The following SLC6A5 variants were observed in gnomAD, a reference collection of about 807,000 sequenced individuals.
SLC6A5 encodes the protein sodium- and chloride-dependent glycine transporter 2.
Under a neutral mutation model 90.5 loss-of-function variants are expected in SLC6A5, and 58 were observed. That is an observed-to-expected ratio of 0.64 (90% CI 0.52 to 0.80). SLC6A5 has a LOEUF of 0.80. Ranked by LOEUF, SLC6A5 falls within the 30% of genes least tolerant of loss-of-function variation. SLC6A5 has a pLI of 0.00. For synonymous variants in SLC6A5, 427 were observed against 401.4 expected (o/e 1.06, Z -0.76); for missense variants, 1,015 against 1,017.6 (o/e 1.00, Z 0.03).
chr11:20,632,943 A>C (rs1288802729), intron 10 of SLC6A5, among the ~76,000 whole-genome samples: 1 of 152,156 alleles, frequency 6.6e-6, no homozygotes. Flanking sequence ...TACCAAAATG[A>C]TCATCTTAAA....
intron 13 of SLC6A5, among the ~76,000 whole-genome samples, chr11:20,646,153 C>A (rs552422992): frequency 4.6e-5 from 7 of 152,172 alleles, no homozygotes; most frequent in African/African-American, 7.2e-5. Flanking sequence ...TAAAAACCTT[C>A]CTAAACCAAG....
Position 20,659,121 on chromosome 11 carries a change from T to C in SLC6A5, c.*4253T>C, listed in dbSNP as rs998130938. On this transcript the variant is annotated 3_prime_UTR_variant, in exon 16 of 16. Coordinates refer to ENST00000525748, the MANE Select transcript of SLC6A5 (RefSeq NM_004211.5). ...TATTATATACTGCACATTATTCATTTAAGAAGTCATTCTTGAGGCCCTACC... is the reference window on the plus strand; with the variant it reads ...TATTATATACTGCACATTATTCATTCAAGAAGTCATTCTTGAGGCCCTACC... The C allele has an allele frequency of 2.0e-5, 3 of 150,208 alleles. No individual in the cohort carries two copies. Among genetic ancestry groups the C allele is most frequent in the African/African-American group, 2.4e-5 (1 of 41,136 alleles). The allele number at this position is 150,208 out of a possible 1,614,324, so 9.3% of individuals were successfully genotyped here.
At chr11:20,639,819 A>G (rs757468023) in intron 13 of SLC6A5, among the ~76,000 whole-genome samples, 1 of 152,192 alleles carries the variant, frequency 6.6e-6, no homozygotes, top group Non-Finnish European at 1.5e-5. Flanking sequence ...AATTTGTCTC[A>G]GACTAGAGAT....
In SLC6A5 at chr11:20,604,477, G is replaced by T. The variant is rs1590154349; in HGVS notation, c.679+53G>T. The T allele has an allele frequency of 6.2e-6, 10 of 1,600,512 alleles. No homozygotes were observed. In the East Asian group the frequency reaches 8.9e-5, roughly 14 times the overall value. ...CGGCGGGGCGGGGCGGGCACCTGAGGGTTGGGTGGGACAGGAGCCCTCAGG... is the reference window on the plus strand; with the variant it reads ...CGGCGGGGCGGGGCGGGCACCTGAGTGTTGGGTGGGACAGGAGCCCTCAGG... On this transcript the variant is annotated intron_variant, in intron 3 of 15. Transcript: ENST00000525748.
chr11:20,642,352 A>G (rs1434113364), intron 13 of SLC6A5, among the ~76,000 whole-genome samples: 2 of 151,640 alleles, frequency 1.3e-5, no homozygotes, highest in African/African-American at 2.4e-5. Flanking sequence ...GGTTGAAGCA[A>G]CTCTTTGACA....
chr11:20,616,396 G>T (rs1242981357), intron 6 of SLC6A5, among the ~76,000 whole-genome samples: 4 of 152,162 alleles, frequency 2.6e-5, no homozygotes. Flanking sequence ...ATGCAGTCAG[G>T]TGTACTAAAA....
At chr11:20,652,182 A>G (rs1444235549) in intron 14 of SLC6A5, 107 bp from the exon 15 acceptor site, 35 of 1,018,964 alleles carry the variant, frequency 3.4e-5, no homozygotes, top group Non-Finnish European at 5.5e-5. Context: ...GTGGGTATAG[A>G]ATAATAGAGA....
chr11:20,603,261 GC>G (rs141994669), intron 2 of SLC6A5, among the ~76,000 whole-genome samples: 31,164 of 152,150 alleles, frequency 0.2, 3,888 homozygotes, highest in Non-Finnish European at 0.28. Flanking sequence ...TGCCTGGAAA[GC>G]TTTGTGCAGT....
intron 3 of SLC6A5, among the ~76,000 whole-genome samples, chr11:20,605,688 C>G (rs980781115): frequency 1.3e-5 from 2 of 152,222 alleles, no homozygotes; most frequent in African/African-American, 4.8e-5. Context: ...GCGCTTTGCC[C>G]GCCCGGGATC....
At chr11:20,609,223 C>T (rs969141422) in intron 5 of SLC6A5, among the ~76,000 whole-genome samples, 1 of 151,948 alleles carries the variant, frequency 6.6e-6, no homozygotes, top group Non-Finnish European at 1.5e-5. Flanking sequence ...TTGTTTCCTG[C>T]GAGTATATGA....
chr11:20,631,925 A>G (rs1197643396), intron 10 of SLC6A5, among the ~76,000 whole-genome samples: 1 of 152,120 alleles, frequency 6.6e-6, no homozygotes, highest in Non-Finnish European at 1.5e-5. Flanking sequence ...ATTCATGCTG[A>G]TGGTGCACCA....
intron 14 of SLC6A5, among the ~76,000 whole-genome samples, chr11:20,648,292 T>TAAAGA (rs1853461183): frequency 6.6e-6 from 1 of 152,200 alleles, no homozygotes; most frequent in African/African-American, 2.4e-5. Flanking sequence ...TTTCTTTCTT[T>TAAAGA]CTTCTTTCCT....
chr11:20,627,994 T>A lies in SLC6A5; in HGVS notation c.1410T>A (p.Ala470=), dbSNP rs775695140. 1.9e-6 allele frequency: 3 copies of A among 1,614,136 alleles called. No individual in the cohort carries two copies. Among genetic ancestry groups the A allele is most frequent in the East Asian group, 2.2e-5 (1 of 44,890 alleles). Residue 470 remains alanine (A), a synonymous_variant, in exon 9 of 16, where the codon GCT becomes GCA. Transcript: ENST00000525748. ...TTGCCTCTCAGGTGTGGAAAGATGC[T>A]GCCACTCAGATTTTCTTCTCTTTAT... is the stretch of plus-strand genomic sequence containing the variant. ...KLTDATVWKD[A]ATQIFFSLSA...
intron 3 of SLC6A5, among the ~76,000 whole-genome samples, chr11:20,604,855 A>C (rs867692439): frequency 6.6e-6 from 1 of 152,102 alleles, no homozygotes; most frequent in Non-Finnish European, 1.5e-5. Context: ...AGGAGATCTA[A>C]GAGGTGAGGG....
At chr11:20,638,881 G>A (rs1480915011) in intron 13 of SLC6A5, among the ~76,000 whole-genome samples, 1 of 152,188 alleles carries the variant, frequency 6.6e-6, no homozygotes. Context: ...GAAAGGAGGA[G>A]GCTACTTTGC....
At chr11:20,650,569 G>A (rs997978932) in intron 14 of SLC6A5, among the ~76,000 whole-genome samples, 1 of 151,480 alleles carries the variant, frequency 6.6e-6, no homozygotes, top group Non-Finnish European at 1.5e-5. Flanking sequence ...GTGACATAAA[G>A]GTCCCCTCAG....
intron 7 of SLC6A5, among the ~76,000 whole-genome samples, chr11:20,618,293 C>T (rs1852822111): frequency 6.6e-6 from 1 of 152,166 alleles, no homozygotes. Flanking sequence ...TTGCTTCTGC[C>T]AAGAAGCTGG....
chr11:20,605,379 A>T (rs777482578), intron 3 of SLC6A5, among the ~76,000 whole-genome samples: 5 of 152,160 alleles, frequency 3.3e-5, no homozygotes, highest in Non-Finnish European at 7.3e-5. Flanking sequence ...GCACCACCGG[A>T]CGGTTAAAGC....
chr11:20,617,233 C>T (rs4922790), intron 6 of SLC6A5, among the ~76,000 whole-genome samples: 3 of 152,158 alleles, frequency 2.0e-5, no homozygotes, highest in Admixed American at 6.5e-5. Context: ...AGCCAACCTC[C>T]GCCTCAGGAC....
Sources: allele counts gnomAD v4.1 joint callset (sites outside exome capture counted in the v4.1 genomes callset), GRCh38; gene constraint gnomAD v4.1.1; transcripts MANE v1.5; gene names NCBI Gene and HGNC (gene_info 2026-07-23, HGNC 2026-07-21).